ATP5MC2: variants seen among roughly 807,000 people sequenced by gnomAD.
ATP5MC2 encodes the protein ATP synthase membrane subunit c locus 2.
A neutral mutation model predicts 13.5 loss-of-function variants in ATP5MC2; 11 were observed. That is an observed-to-expected ratio of 0.81 (90% CI 0.51 to 1.35). The LOEUF is 1.35. ATP5MC2 is among the 40% of genes most tolerant of loss of function. The probability of loss-of-function intolerance (pLI) is 0.00; values close to 1 mark genes in which losing one functional copy is unlikely to be tolerated. For synonymous variants in ATP5MC2, 64 were observed against 69.7 expected, an observed-to-expected ratio of 0.92 and a Z score of 0.41; for missense variants, 132 against 175.0, an observed-to-expected ratio of 0.75 and a Z score of 1.39.
chr12:53,666,762 A>AAAAAT (rs141833154), intron 4 of ATP5MC2, among the ~76,000 whole-genome samples: 15,742 of 147,424 alleles, frequency 0.11, 1,010 homozygotes, highest in Admixed American at 0.17. Context: ...TCTGTCTCAA[A>AAAAAT]AAAATAAAAT....
At chr12:53,679,283 A>G (rs1945328421), upstream of ATP5MC2, among the ~76,000 whole-genome samples, 1 of 107,974 alleles carries the variant, frequency 9.3e-6, no homozygotes, top group African/African-American at 4.4e-5. Flanking sequence ...GAGAGAGACC[A>G]GGGCACAGAG....
chr12:53,672,864 G>A, intron 1 of ATP5MC2: 1 of 518,528 alleles, frequency 1.9e-6, no homozygotes, highest in Non-Finnish European at 3.4e-6. Flanking sequence ...CCCCTGGTCT[G>A]AACAAGTGAA....
At chr12:53,669,482 A>C (rs1565626284) in intron 3 of ATP5MC2, 141 bp from the exon 4 acceptor site, 1 of 1,424,552 alleles carries the variant, frequency 7.0e-7, no homozygotes, top group Admixed American at 2.9e-5. Context: ...TGGCAAGTAG[A>C]ACCTTTTAAC....
In ATP5MC2 at chr12:53,672,083, CAA is replaced by C. The variant is rs916010110; in HGVS notation, c.39+491_39+492del. Among the ~76,000 whole-genome samples, 17 of 47,178 alleles carry C rather than the reference CAA, an allele frequency of 3.6e-4. 1 individual carries two copies. Among genetic ancestry groups the C allele is most frequent in the Admixed American group, 1.1e-3 (4 of 3,690 alleles). The allele number at this position is 47,178 out of a possible 152,430, so 31.0% of individuals were successfully genotyped here. A position where few individuals can be genotyped will look rare whatever the true frequency, so the allele number is the denominator to read the frequency against. ...GGGCAACAAGAGCGAAACTCTGTCTCAAAAAAAAAAAAAAAAAAAAAATTAAC... is the reference window on the plus strand; with the variant it reads ...GGGCAACAAGAGCGAAACTCTGTCTCAAAAAAAAAAAAAAAAAAAATTAAC... On this transcript the variant is annotated intron_variant, in intron 2 of 4. Transcript: ENST00000394349.
At chr12:53,667,340 G>GC (rs1944943559) in intron 4 of ATP5MC2, among the ~76,000 whole-genome samples, 1 of 152,032 alleles carries the variant, frequency 6.6e-6, no homozygotes, top group South Asian at 2.1e-4. Flanking sequence ...CCCAGAGATG[G>GC]GAAAAAATAG....
At position 53,667,956 on chromosome 12, in the gene ATP5MC2, C is replaced by CACAT. The variant is rs1390194186; in HGVS notation, c.311+1191_311+1192insATGT. On this transcript the variant is annotated intron_variant, in intron 4 of 4. Transcript: ENST00000394349. ...TCTAATACATACATACATACACACA[C>CACAT]ATATATATATATATATATATATATA... 8.9e-3 allele frequency among the ~76,000 whole-genome samples: 599 copies of CACAT among 67,180 alleles called. 2 individuals carry two copies. Among genetic ancestry groups the CACAT allele is most frequent in the Non-Finnish European group, 0.015 (473 of 31,936 alleles). 44.1% of individuals were successfully genotyped at this position (67,180 alleles called of 152,430 possible).
Position 53,665,293 on chromosome 12 carries a change from T to G in ATP5MC2, c.*21A>C. The G allele has an allele frequency of 6.3e-7, 1 of 1,587,602 alleles. No homozygotes were observed. Among genetic ancestry groups the G allele is most frequent in the Non-Finnish European group, 8.6e-7 (1 of 1,162,894 alleles). On this transcript the variant is annotated 3_prime_UTR_variant, in exon 5 of 5. Transcript: ENST00000394349. Reference sequence around the variant, plus strand: ...GGGCCAACCAGACGCGGGAGAACTATGGGAGGTGGAGACGGCTCCTTCACA... The same window carrying G: ...GGGCCAACCAGACGCGGGAGAACTAGGGGAGGTGGAGACGGCTCCTTCACA...
At position 53,669,331 on chromosome 12, in the gene ATP5MC2, C is replaced by G; in HGVS notation, c.128G>C (p.Ser43Thr). Reference sequence around the variant, plus strand: ...GGTAAGGGGACATGAGACTGCCAAGCTGCTGAGGCTCTGTGAAAAAGAGGC... The same window carrying G: ...GGTAAGGGGACATGAGACTGCCAAGGTGCTGAGGCTCTGTGAAAAAGAGGC... Reference protein sequence around the residue: ...PEILTDESLSSLAVSCPLTSL... With the variant: ...PEILTDESLSTLAVSCPLTSL... The change falls in exon 4 of 5, where the codon AGC (serine) becomes ACC (threonine). Residue 43 changes from serine (S) to threonine (T), a missense_variant. Transcript: ENST00000394349. 6.2e-7 allele frequency: 1 copy of G among 1,612,976 alleles called. No individual in the cohort carries two copies.
chr12:53,668,407 G>A (rs1298189066), intron 4 of ATP5MC2, among the ~76,000 whole-genome samples: 3 of 151,406 alleles, frequency 2.0e-5, no homozygotes, highest in African/African-American at 4.9e-5. Context: ...GGGTTCAAGC[G>A]ATTCTTCTGC....
intron 1 of ATP5MC2, among the ~76,000 whole-genome samples, chr12:53,675,779 GA>G (rs1334741975): frequency 6.6e-6 from 1 of 152,190 alleles, no homozygotes; most frequent in Non-Finnish European, 1.5e-5. Context: ...GGACTGGGTG[GA>G]ACAGGTGAAA....
intron 2 of ATP5MC2, 54 bp downstream of exon 2, chr12:53,672,522 G>T: frequency 6.7e-7 from 1 of 1,484,412 alleles, no homozygotes; most frequent in South Asian, 1.2e-5. Flanking sequence ...CTGATGGAAA[G>T]AGAGAGACAA....
upstream of ATP5MC2, chr12:53,676,220 G>A (rs748246867): frequency 2.2e-5 from 36 of 1,601,534 alleles, no homozygotes; most frequent in Non-Finnish European, 2.8e-5. Flanking sequence ...GGGCTGTGGC[G>A]GTATCCGGCC....
chr12:53,676,013 G>A (rs756996779), intron 1 of ATP5MC2, 40 bp downstream of exon 1: 2 of 1,600,958 alleles, frequency 1.2e-6, no homozygotes, highest in Non-Finnish European at 1.7e-6. Flanking sequence ...TCCCGCGCGC[G>A]TGCGCAGCGC....
At chr12:53,676,610 C>T (rs759789375), upstream of ATP5MC2, 31 of 191,406 alleles carry the variant, frequency 1.6e-4, no homozygotes, top group South Asian at 8.6e-5. Context: ...TTCCCCCACT[C>T]CCCGTTTCCT....
intron 1 of ATP5MC2, among the ~76,000 whole-genome samples, chr12:53,674,951 A>AG (rs1313217778): frequency 6.6e-6 from 1 of 152,126 alleles, no homozygotes; most frequent in East Asian, 1.9e-4. Flanking sequence ...TTCTTTGTAA[A>AG]ATGCAGCTCT....
intron 4 of ATP5MC2, among the ~76,000 whole-genome samples, chr12:53,665,992 T>A (rs2138010834): frequency 6.6e-6 from 1 of 152,254 alleles, no homozygotes; most frequent in South Asian, 2.1e-4. Flanking sequence ...TTTCAAATAG[T>A]CAGAAGATCT....
intron 3 of ATP5MC2, 78 bp from the exon 4 acceptor site, chr12:53,669,419 CA>C: frequency 6.8e-7 from 1 of 1,469,704 alleles, no homozygotes; most frequent in Non-Finnish European, 9.0e-7. Context: ...TTTAAGCTGC[CA>C]AATCCCATTG....
chr12:53,680,289 A>G (rs1945333891), upstream of ATP5MC2, among the ~76,000 whole-genome samples: 1 of 152,184 alleles, frequency 6.6e-6, no homozygotes. Context: ...CCCAGCCACA[A>G]CCAATATTTA....
chr12:53,666,474 G>C (rs1223891438), intron 4 of ATP5MC2, among the ~76,000 whole-genome samples: 1 of 152,068 alleles, frequency 6.6e-6, no homozygotes, highest in Non-Finnish European at 1.5e-5. Context: ...CTACTCAGGA[G>C]GCTGAGGCAG....
Sources: gnomAD v4.1 joint callset for allele counts (sites outside exome capture counted in the v4.1 genomes callset) on GRCh38, gnomAD v4.1.1 for gene constraint, MANE v1.5 for transcripts, NCBI Gene and HGNC (gene_info 2026-07-23, HGNC 2026-07-21) for gene names.